The following PLD5 variants were observed in gnomAD, a reference collection of about 807,000 sequenced individuals.
PLD5 encodes the protein phospholipase D family member 5, also known as inactive phospholipase D5.
PLD5 carries 36 observed loss-of-function variants against 61.1 expected under a neutral mutation model. The ratio of observed to expected loss-of-function variants is 0.59; its 90% CI spans 0.45 to 0.78. The LOEUF is 0.78. Ranked by LOEUF, PLD5 falls within the 30% of genes least tolerant of loss-of-function variation. PLD5 has a pLI of 0.00. For synonymous variants in PLD5, 243 were observed against 242.8 expected, an observed-to-expected ratio of 1.00 and a Z score of -0.01; for missense variants, 515 against 644.4, an observed-to-expected ratio of 0.80 and a Z score of 2.17.
At chr1:242,241,581 A>G (rs1054555558) in intron 4 of PLD5, among the ~76,000 whole-genome samples, 3 of 151,958 alleles carry the variant, frequency 2.0e-5, no homozygotes, top group African/African-American at 7.2e-5. Context: ...GTATGCCAAA[A>G]TCTGCCACTG....
chr1:242,327,387 A>G (rs1159413315), intron 2 of PLD5, among the ~76,000 whole-genome samples: 1 of 152,184 alleles, frequency 6.6e-6, no homozygotes, highest in Admixed American at 6.5e-5. Context: ...ATGAGTAAAT[A>G]GAATAATATT....
At chr1:242,275,415 T>C (rs1674357693) in intron 3 of PLD5, among the ~76,000 whole-genome samples, 1 of 152,170 alleles carries the variant, frequency 6.6e-6, no homozygotes, top group Admixed American at 6.5e-5. Context: ...TTTTAGTTTG[T>C]AGGATATACA....
chr1:242,495,570 C>A (rs1438145868), intron 1 of PLD5, among the ~76,000 whole-genome samples: 1 of 151,978 alleles, frequency 6.6e-6, no homozygotes, highest in Non-Finnish European at 1.5e-5. Flanking sequence ...ACGTCTTTAC[C>A]ATAATTTTCT....
Position 242,260,643 on chromosome 1 carries a change from T to G in PLD5, c.607+4694A>C, listed in dbSNP as rs908874499. ...AAGCCTTGATATTTATAAAACAAAT[T>G]TATTTAAATAAATTTTTGTAAAGTA... On this transcript the variant is annotated intron_variant, in intron 4 of 9. Transcript: ENST00000536534. 3.7e-4 allele frequency among the ~76,000 whole-genome samples: 56 copies of G among 152,292 alleles called. 2 individuals carry two copies. The highest frequency in any genetic ancestry group is 1.6e-3 in the Admixed American group (25 of 15,292).
At position 242,279,551 on chromosome 1, in the gene PLD5, T is replaced by TC. The variant is rs113297256; in HGVS notation, c.495+8810dup. 6.1e-3 allele frequency among the ~76,000 whole-genome samples: 929 copies of TC among 152,104 alleles called. 10 individuals carry two copies. The highest frequency in any genetic ancestry group is 0.021 in the African/African-American group (887 of 41,504). ...TTTTTCTGTCTCTCATTTTTTTTTT[T>TC]CGAGACCGAGTCTTGCTGTGTCACC... On this transcript the variant is annotated intron_variant, in intron 3 of 9. Transcript: ENST00000536534.
At chr1:242,377,356 C>T (rs1307520149) in intron 1 of PLD5, 1 of 1,584,670 alleles carries the variant, frequency 6.3e-7, no homozygotes, top group South Asian at 1.1e-5. Context: ...TGAGTGATTG[C>T]TCCTCAGGGA....
At chr1:242,311,076 C>T (rs1170017139) in intron 2 of PLD5, among the ~76,000 whole-genome samples, 1 of 152,114 alleles carries the variant, frequency 6.6e-6, no homozygotes, top group African/African-American at 2.4e-5. Flanking sequence ...TGAGACAACA[C>T]ACTGTCATTA....
In PLD5 at chr1:242,257,164, A is replaced by G. The variant is rs576641317; in HGVS notation, c.607+8173T>C. On this transcript the variant is annotated intron_variant, in intron 4 of 9. Coordinates refer to ENST00000536534, the MANE Select transcript of PLD5 (RefSeq NM_001372062.1). ...CCTTCTATCTATGTATCTACTATCT[A>G]TATGAAGAATCCCAAAAAGGAAAGA... Among the ~76,000 whole-genome samples the G allele has an allele frequency of 1.1e-3, 171 of 152,216 alleles. 2 individuals are homozygous for G. The highest frequency in any genetic ancestry group is 4.0e-3 in the African/African-American group (165 of 41,520).
intron 1 of PLD5, among the ~76,000 whole-genome samples, chr1:242,398,477 CA>C (rs1245734410): frequency 6.6e-6 from 1 of 152,216 alleles, no homozygotes; most frequent in African/African-American, 2.4e-5. Flanking sequence ...TCCTCTTCCA[CA>C]AAACCTTCAT....
chr1:242,211,162 T>C lies in PLD5; in HGVS notation c.735+8826A>G, dbSNP rs181398738. On this transcript the variant is annotated intron_variant, in intron 5 of 9. Transcript: ENST00000536534. ...CAATGTAGACAAAACAACCTTCTAT[T>C]AGAAGAAGATGCCATCTAGGACTTT... Among the ~76,000 whole-genome samples, 134 of 152,328 alleles carry C rather than the reference T, an allele frequency of 8.8e-4. 2 individuals carry two copies. The Middle Eastern group carries it at 0.01, about 12-fold the overall frequency.
chr1:242,245,564 TGA>T (rs1487194570), intron 4 of PLD5, among the ~76,000 whole-genome samples: 1 of 152,192 alleles, frequency 6.6e-6, no homozygotes, highest in Non-Finnish European at 1.5e-5. Flanking sequence ...CCTGTCAGAG[TGA>T]GTTAGGTCCT....
chr1:242,100,784 TG>T lies in PLD5; in HGVS notation c.1240-3del. 6.3e-7 allele frequency: 1 copy of T among 1,598,724 alleles called. No homozygotes were observed. Among genetic ancestry groups the T allele is most frequent in the Admixed American group, 1.7e-5 (1 of 57,210 alleles). On this transcript the variant is annotated splice_polypyrimidine_tract_variant and splice_region_variant and intron_variant, in intron 8 of 9. Coordinates refer to ENST00000536534, the MANE Select transcript of PLD5 (RefSeq NM_001372062.1). ...CTCTCTTTCCAGATCAAAAAATTTC[TG>T]TAAGAAAAAAAAAAAGGGGGCAGGT...
chr1:242,525,195 C>G (rs929345557), upstream of PLD5, among the ~76,000 whole-genome samples: 1 of 152,208 alleles, frequency 6.6e-6, no homozygotes, highest in Non-Finnish European at 1.5e-5. Context: ...TGGAGCCGTA[C>G]ACGCTACTTT....
intron 1 of PLD5, among the ~76,000 whole-genome samples, chr1:242,470,210 C>T (rs765335392): frequency 2.6e-5 from 4 of 151,874 alleles, no homozygotes; most frequent in Non-Finnish European, 5.9e-5. Context: ...GGGCGTGGTG[C>T]GGGCGCCTGT....
chr1:242,468,357 A>C lies in PLD5; in HGVS notation c.189+55731T>G, dbSNP rs553093290. Among the ~76,000 whole-genome samples the C allele has an allele frequency of 1.1e-4, 16 of 152,266 alleles. No homozygotes were observed. The South Asian group carries it at 3.3e-3, about 32-fold the overall frequency. On this transcript the variant is annotated intron_variant, in intron 1 of 9. Coordinates refer to ENST00000536534, the MANE Select transcript of PLD5 (RefSeq NM_001372062.1). ...TCATAATATGCCAGCCAGATACGTA[A>C]ATTATCCTTATTTTTTTCATTGCAA... is the stretch of plus-strand genomic sequence containing the variant.
chr1:242,381,778 C>G (rs997731873), intron 1 of PLD5, among the ~76,000 whole-genome samples: 6 of 152,118 alleles, frequency 3.9e-5, no homozygotes, highest in African/African-American at 1.2e-4. Flanking sequence ...AACAGCTTCC[C>G]CACTTAACTC....
chr1:242,347,980 T>C, intron 2 of PLD5, 126 bp downstream of exon 2: 2 of 1,191,524 alleles, frequency 1.7e-6, no homozygotes, highest in Non-Finnish European at 2.4e-6. Flanking sequence ...GACTCACACC[T>C]CAGCTTAAGC....
chr1:242,400,811 A>G (rs1363467395), intron 1 of PLD5, among the ~76,000 whole-genome samples: 1 of 152,200 alleles, frequency 6.6e-6, no homozygotes, highest in African/African-American at 2.4e-5. Context: ...AAAAATGGAC[A>G]TAGGCAAAGC....
In PLD5 at chr1:242,288,501, C is replaced by T; in HGVS notation, c.356G>A (p.Gly119Asp). The change falls in exon 3 of 10, where the codon GGC (glycine) becomes GAC (aspartate). Residue 119 changes from glycine (G) to aspartate (D), a missense_variant. Gly to Asp is a moderately conservative substitution (Grantham distance 94, BLOSUM62 -1). Around this residue, in one of 2 missense-constraint regions of PLD5, gnomAD observed 450 missense variants for 598.1 expected, o/e 0.75. Transcript: ENST00000536534. ...TGGTGCATTTTCTGAATAGTTAAGG[C>T]CTTCAGGAATATTTTCCACCAGGGC... ...RIALVENIPE[G>D]LNYSENAPFH... The T allele has an allele frequency of 6.3e-7, 1 of 1,593,238 alleles. No individual in the cohort carries two copies. The highest frequency in any genetic ancestry group is 8.5e-7 in the Non-Finnish European group (1 of 1,173,520).
Sources: allele counts gnomAD v4.1 joint callset (sites outside exome capture counted in the v4.1 genomes callset), GRCh38; gene constraint gnomAD v4.1.1; regional missense constraint gnomAD v4.1.1; transcripts MANE v1.5; gene names NCBI Gene and HGNC (gene_info 2026-07-23, HGNC 2026-07-21).